PLD4: variants seen among roughly 807,000 people sequenced by gnomAD.
The protein encoded by PLD4 is phospholipase D family member 4, also known as 5'-3' exonuclease PLD4.
In PLD4, 54 loss-of-function variants were observed where a neutral mutation model predicts 52.3. That is an observed-to-expected ratio of 1.03 (90% CI 0.83 to 1.30). PLD4 has a LOEUF of 1.30. Among genes scored for constraint, PLD4 ranks in the 50% most tolerant of loss-of-function variants. The probability of loss-of-function intolerance (pLI) is 0.00; values close to 1 mark genes in which losing one functional copy is unlikely to be tolerated. For missense variants in PLD4, 731 were observed against 671.1 expected (o/e 1.09, Z -0.99); for synonymous variants, 264 against 286.5 (o/e 0.92, Z 0.79).
chr14:104,935,652 A>G (rs1897790649), downstream of PLD4: 1 of 152,244 alleles, frequency 6.6e-6, no homozygotes, highest in South Asian at 2.1e-4. Flanking sequence ...ATCATGTGAC[A>G]TAAGATTATA....
chr14:104,931,896 G>A lies in PLD4; in HGVS notation c.1058+9G>A, dbSNP rs1484282042. 6.5e-7 allele frequency: 1 copy of A among 1,535,128 alleles called. No individual in the cohort carries two copies. The highest frequency in any genetic ancestry group is 8.8e-7 in the Non-Finnish European group (1 of 1,138,002). On this transcript the variant is annotated intron_variant, in intron 8 of 10. Coordinates refer to ENST00000392593, the MANE Select transcript of PLD4 (RefSeq NM_138790.5). ...TTCAGCCACCCCCCGAGGTAGGTCT[G>A]AGTGGGAGGTGGGCGGCCTGCTCTG...
chr14:104,927,775 C>T lies in PLD4; in HGVS notation c.193C>T (p.Pro65Ser). 1 of 1,599,140 alleles carries T rather than the reference C, an allele frequency of 6.3e-7. No homozygotes were observed. Among genetic ancestry groups the T allele is most frequent in the South Asian group, 1.1e-5 (1 of 89,506 alleles). Reference protein sequence around the residue: ...PRPPTWGQVQPKDVPRSWEHG... With the variant: ...PRPPTWGQVQSKDVPRSWEHG... ...TCCTCCCACCTGGGGCCAGGTGCAG[C>T]CCAAGGACGTGCCCAGGTCCTGGGA... Residue 65 changes from proline (P) to serine (S), a missense_variant, in exon 3 of 11, where the codon CCC becomes TCC. Physicochemically the swap from Pro to Ser is moderately conservative, Grantham distance 74. Transcript: ENST00000392593.
In PLD4 at chr14:104,928,855, G is replaced by T. The variant is rs561905036; in HGVS notation, c.391G>T (p.Glu131Ter). ...AWLQLLDTAQESVHVASYYWS... is the reference protein window; with the variant it reads ...AWLQLLDTAQ ...GCTGCAGCTGCTGGACACTGCCCAG[G>T]AGAGCGTCCACGTGGCTTCATACTA... is the stretch of plus-strand genomic sequence containing the variant. The change falls in exon 4 of 11, where the codon GAG (glutamate) becomes TAG (stop). Residue 131 changes from glutamate to a stop codon, truncating the protein, a stop_gained. Transcript: ENST00000392593. LOFTEE classifies it high-confidence loss of function. 6.2e-7 allele frequency: 1 copy of T among 1,612,516 alleles called. No homozygotes were observed. Among genetic ancestry groups the T allele is most frequent in the South Asian group, 1.1e-5 (1 of 91,082 alleles).
At chr14:104,929,109 G>A (rs80117472) in intron 4 of PLD4, 177 bp downstream of exon 4, 40,780 of 1,185,562 alleles carry the variant, frequency 0.034, 772 homozygotes, top group Middle Eastern at 0.057. Flanking sequence ...GTGTCAAGGA[G>A]CTGGGCCTCT....
At chr14:104,928,536 C>T (rs764530843) in intron 3 of PLD4, among the ~76,000 whole-genome samples, 3 of 152,184 alleles carry the variant, frequency 2.0e-5, no homozygotes, top group Non-Finnish European at 1.5e-5. Flanking sequence ...CTGGGTGTCA[C>T]CACCCCAGCA....
chr14:104,934,682 C>G (rs913449052), downstream of PLD4: 2 of 152,196 alleles, frequency 1.3e-5, no homozygotes, highest in African/African-American at 4.8e-5. Flanking sequence ...TTTTCCTACC[C>G]TTCTCTACTT....
rs754591072 is a variant in PLD4, at chr14:104,930,826, G to C, written c.802G>C (p.Gly268Arg). Residue 268 changes from glycine (G) to arginine (R), a missense_variant, in exon 7 of 11, where the codon GGG (glycine) becomes CGG (arginine). Physicochemically the swap from Gly to Arg is moderately radical, Grantham distance 125. Coordinates refer to ENST00000392593, the MANE Select transcript of PLD4 (RefSeq NM_138790.5). ...EKTFQTYWVL[G>R]VPKAVLPKTW... ...GACCTTCCAGACCTACTGGGTACTG[G>C]GGGTGCCCAAGGCTGTCCTCCCCAA... The C allele has an allele frequency of 6.8e-6, 11 of 1,613,426 alleles. No homozygotes were observed. Among genetic ancestry groups the C allele is most frequent in the Non-Finnish European group, 7.6e-6 (9 of 1,180,020 alleles).
In PLD4 at chr14:104,928,940, C is replaced by A; in HGVS notation, c.468+8C>A. 6.3e-7 allele frequency: 1 copy of A among 1,581,252 alleles called. No individual in the cohort carries two copies. Among genetic ancestry groups the A allele is most frequent in the South Asian group, 1.1e-5 (1 of 89,244 alleles). On this transcript the variant is annotated splice_region_variant and intron_variant, in intron 4 of 10. Transcript: ENST00000392593. Reference sequence around the variant, plus strand: ...GACTCGTCTTCCCAGCTGGTGCGCCCCGCCCTGGCCCCACCGCATCCTGGT... The same window carrying A: ...GACTCGTCTTCCCAGCTGGTGCGCCACGCCCTGGCCCCACCGCATCCTGGT...
chr14:104,931,043 C>A, intron 7 of PLD4, 101 bp downstream of exon 7: 1 of 1,358,730 alleles, frequency 7.4e-7, no homozygotes, highest in Non-Finnish European at 1.0e-6. Flanking sequence ...ACACCAGCAG[C>A]ATCAGCTGGG....
At chr14:104,927,040 G>T (rs1897478401) in intron 1 of PLD4, 101 bp from the exon 2 acceptor site, 6 of 1,061,664 alleles carry the variant, frequency 5.7e-6, no homozygotes, top group South Asian at 5.1e-5. Flanking sequence ...GCTTATGTGG[G>T]TGTCTGTGCA....
At position 104,932,709 on chromosome 14, in the gene PLD4, C is replaced by A; in HGVS notation, c.1322-56C>A. On this transcript the variant is annotated intron_variant, in intron 10 of 10. Transcript: ENST00000392593. This position sits in a 1 kb window ranked among gnomAD's most constrained non-coding sequence, Gnocchi z 6.5. ...GTAGCCGGGCCTGGCGCTGAGCGGG[C>A]TGCAGAGGGGCCTGTGGGAGCCGGC... is the stretch of plus-strand genomic sequence containing the variant. 6.9e-7 allele frequency: 1 copy of A among 1,451,478 alleles called. No homozygotes were observed. Among genetic ancestry groups the A allele is most frequent in the Non-Finnish European group, 9.2e-7 (1 of 1,088,368 alleles). The allele number at this position is 1,451,478 out of a possible 1,614,324, so 89.9% of individuals were successfully genotyped here. A position where few individuals can be genotyped will look rare whatever the true frequency, so the allele number is the denominator to read the frequency against.
chr14:104,929,464 G>A (rs375665465), intron 5 of PLD4, 37 bp downstream of exon 5: 615 of 1,515,392 alleles, frequency 4.1e-4, no homozygotes, highest in Admixed American at 1.2e-3. Flanking sequence ...CACTGCCCTA[G>A]CGTCGGGCAT....
At chr14:104,928,974 C>T (rs1897550811) in intron 4 of PLD4, 42 bp downstream of exon 4, 1 of 1,556,216 alleles carries the variant, frequency 6.4e-7, no homozygotes, top group Admixed American at 1.8e-5. Flanking sequence ...GTGCTGGAAA[C>T]ACAGCAAGTC....
At chr14:104,929,546 G>A (rs1327021663) in intron 5 of PLD4, 119 bp downstream of exon 5, 1 of 1,408,744 alleles carries the variant, frequency 7.1e-7, no homozygotes, top group South Asian at 1.5e-5. Context: ...ACTTCCCTAG[G>A]ACACCCCAGG....
downstream of PLD4, chr14:104,934,885 TCTC>T (rs895908412): frequency 2.0e-5 from 3 of 152,250 alleles, no homozygotes; most frequent in African/African-American, 4.8e-5. Flanking sequence ...TGTGCAGAAA[TCTC>T]CTACACCCAT....
chr14:104,925,485 G>A (rs150825172), intron 1 of PLD4, among the ~76,000 whole-genome samples: 3,835 of 152,116 alleles, frequency 0.025, 58 homozygotes, highest in Middle Eastern at 0.082. Flanking sequence ...AAGAGGCAGC[G>A]CCTCTGTGCT....
At position 104,929,436 on chromosome 14, in the gene PLD4, C is replaced by T. The variant is rs1243731125; in HGVS notation, c.589+9C>T. 9.7e-6 allele frequency: 15 copies of T among 1,547,084 alleles called. No homozygotes were observed. The highest frequency in any genetic ancestry group is 1.4e-5 in the African/African-American group (1 of 73,444). On this transcript the variant is annotated intron_variant, in intron 5 of 10. Coordinates refer to ENST00000392593, the MANE Select transcript of PLD4 (RefSeq NM_138790.5). ...GGTTCTGGCTGCCCGAGGTGGGTAC[C>T]TGCACCATGCTGGGCACCACTGCCC...
intron 5 of PLD4, 28 bp downstream of exon 5, chr14:104,929,455 A>G: frequency 6.5e-7 from 1 of 1,530,304 alleles, no homozygotes; most frequent in Non-Finnish European, 8.8e-7. Context: ...GCTGGGCACC[A>G]CTGCCCTAGC....
chr14:104,926,037 C>T (rs892353362), intron 1 of PLD4, among the ~76,000 whole-genome samples: 3 of 152,164 alleles, frequency 2.0e-5, no homozygotes, highest in African/African-American at 7.2e-5. Context: ...AGCCCTGACC[C>T]GTGGGAGGAC....
Sources: allele counts gnomAD v4.1 joint callset (sites outside exome capture counted in the v4.1 genomes callset), GRCh38; gene constraint gnomAD v4.1.1; non-coding constraint Gnocchi (gnomAD v3.1); transcripts MANE v1.5; gene names NCBI Gene and HGNC (gene_info 2026-07-23, HGNC 2026-07-21).